C11orf65: variants seen among roughly 807,000 people sequenced by gnomAD.
C11orf65 encodes the protein chromosome 11 open reading frame 65, also known as protein MFI.
In C11orf65, 38 loss-of-function variants were observed where a neutral mutation model predicts 35.3. The observed-to-expected ratio is 1.08, with a 90% CI of 0.83 to 1.41. The LOEUF is 1.41. Ranked by LOEUF, C11orf65 falls within the 40% of genes most tolerant of loss-of-function variation. C11orf65 has a pLI of 0.00. For synonymous variants in C11orf65, 105 were observed against 114.4 expected, an observed-to-expected ratio of 0.92 and a Z score of 0.53; for missense variants, 370 against 367.1, an observed-to-expected ratio of 1.01 and a Z score of -0.06.
intron 3 of C11orf65, chr11:108,332,129 C>T: frequency 6.6e-7 from 1 of 1,506,270 alleles, no homozygotes; most frequent in Non-Finnish European, 9.0e-7. Flanking sequence ...ATTAAGATGC[C>T]ATCTAAAATC....
intron 3 of C11orf65, chr11:108,332,084 C>G: frequency 6.3e-7 from 1 of 1,599,746 alleles, no homozygotes; most frequent in Non-Finnish European, 8.6e-7. Flanking sequence ...GATATTCAGT[C>G]TTTCCTAGAA....
chr11:108,380,242 T>G (rs545610363), downstream of C11orf65, among the ~76,000 whole-genome samples: 20 of 152,280 alleles, frequency 1.3e-4, 1 homozygote, highest in East Asian at 3.7e-3. Flanking sequence ...TAAAGAACAG[T>G]GCTAAGGGAA....
chr11:108,419,291 T>A lies in C11orf65; in HGVS notation c.175-12142A>T, dbSNP rs1248700946. On this transcript the variant is annotated intron_variant, in intron 3 of 8. Coordinates refer to ENST00000393084, the MANE Select transcript of C11orf65 (RefSeq NM_152587.5). Reference sequence around the variant, plus strand: ...AATCATAACCAAAATGTACCTATTCTAGGAACGCTAAGACGATTTAACATT... The same window carrying A: ...AATCATAACCAAAATGTACCTATTCAAGGAACGCTAAGACGATTTAACATT... Among the ~76,000 whole-genome samples the A allele has an allele frequency of 4.6e-5, 7 of 152,156 alleles. No individual in the cohort carries two copies. The East Asian group carries it at 1.2e-3, about 25-fold the overall frequency.
downstream of C11orf65, among the ~76,000 whole-genome samples, chr11:108,330,584 A>G (rs916709740): frequency 3.3e-5 from 5 of 152,216 alleles, no homozygotes; most frequent in Admixed American, 6.5e-5. Context: ...ATCCATATTT[A>G]GGATTATTTA....
At chr11:108,327,284 C>T, downstream of C11orf65, 1 of 282,038 alleles carries the variant, frequency 3.5e-6, no homozygotes, top group South Asian at 3.8e-5. Flanking sequence ...ACCCAACTTC[C>T]TTGTACCTCA....
chr11:108,322,738 T>A (rs1237700053), intron 6 of C11orf65, among the ~76,000 whole-genome samples: 1 of 152,204 alleles, frequency 6.6e-6, no homozygotes, highest in African/African-American at 2.4e-5. Context: ...TTTAAAAAAT[T>A]CAGCTTAAAA....
rs1555127370 is a variant in C11orf65, at chr11:108,335,114, G to C, written c.299+106C>G. 1 of 1,613,960 alleles carries C rather than the reference G, an allele frequency of 6.2e-7. No individual in the cohort carries two copies. Among genetic ancestry groups the C allele is most frequent in the Non-Finnish European group, 8.5e-7 (1 of 1,179,924 alleles). On this transcript the variant is annotated intron_variant, in intron 3 of 3. Transcript: ENST00000524755. ...GAGAGGAGACAGCTTGTTAAGGTGA[G>C]CCTTCCCTTCTCTGGCTTAGCCCTT...
At chr11:108,373,473 C>T (rs920940501) in intron 2 of C11orf65, among the ~76,000 whole-genome samples, 1 of 152,200 alleles carries the variant, frequency 6.6e-6, no homozygotes. Flanking sequence ...CACTGGAGTT[C>T]CTAGCCATGC....
chr11:108,433,274 G>GAT (rs947247687), intron 2 of C11orf65, among the ~76,000 whole-genome samples: 2 of 147,860 alleles, frequency 1.4e-5, no homozygotes, highest in African/African-American at 4.9e-5. Context: ...TATATATATA[G>GAT]ATATATATAG....
chr11:108,334,915 T>C, intron 3 of C11orf65: 7 of 1,560,178 alleles, frequency 4.5e-6, no homozygotes, highest in Non-Finnish European at 5.3e-6. Context: ...TATTTTTCTT[T>C]AAGTGCAAAT....
chr11:108,338,683 AACC>A (rs2087130290), intron 2 of C11orf65, among the ~76,000 whole-genome samples: 2 of 151,992 alleles, frequency 1.3e-5, no homozygotes, highest in Admixed American at 1.3e-4. Flanking sequence ...GTTGGGGGGT[AACC>A]CAGATAATTA....
At chr11:108,447,065 T>A (rs1280017179) in intron 2 of C11orf65, among the ~76,000 whole-genome samples, 1 of 152,084 alleles carries the variant, frequency 6.6e-6, no homozygotes, top group African/African-American at 2.4e-5. Context: ...AAGGGATCAA[T>A]TCAACAAGAA....
At chr11:108,459,067 G>GTC (rs772607003) in intron 2 of C11orf65, among the ~76,000 whole-genome samples, 56 of 152,292 alleles carry the variant, frequency 3.7e-4, no homozygotes, top group South Asian at 1.4e-3. Context: ...CATGAGTGGA[G>GTC]TAAGTAATTA....
chr11:108,313,607 T>G (rs2084358230), intron 6 of C11orf65, among the ~76,000 whole-genome samples: 1 of 152,212 alleles, frequency 6.6e-6, no homozygotes, highest in Non-Finnish European at 1.5e-5. Flanking sequence ...TTTTCTCCTT[T>G]CACTTTTGCC....
Position 108,331,969 on chromosome 11 carries a change from A to C in C11orf65, c.300-402T>G, listed in dbSNP as rs1357229307. On this transcript the variant is annotated intron_variant, in intron 3 of 3. Coordinates refer to the C11orf65 transcript ENST00000524755. ...TGCAAACAGAGATGAATTTCTGACT[A>C]AACCAGAGGTAGCCAGAAGAAGCAG... 1 of 1,614,028 alleles carries C rather than the reference A, an allele frequency of 6.2e-7. No homozygotes were observed. The highest frequency in any genetic ancestry group is 1.3e-5 in the African/African-American group (1 of 74,950).
In C11orf65 at chr11:108,321,433, T is replaced by C. The variant is rs1441875536; in HGVS notation, c.641-12362A>G. ...AGCTTTTCTCAAGGTATGTAATTCG[T>C]ATGACTTTGTTATCCTAAAGTGCAG... On this transcript the variant is annotated intron_variant, in intron 6 of 6. Transcript: ENST00000525729. 4 of 1,613,900 alleles carry C rather than the reference T, an allele frequency of 2.5e-6. No homozygotes were observed. Among genetic ancestry groups the C allele is most frequent in the Non-Finnish European group, 3.4e-6 (4 of 1,179,944 alleles).
chr11:108,383,588 A>T (rs2091913973), intron 8 of C11orf65, among the ~76,000 whole-genome samples: 1 of 152,196 alleles, frequency 6.6e-6, no homozygotes, highest in Admixed American at 6.5e-5. Context: ...ACTATTAGCT[A>T]ACTTCTTCAT....
At chr11:108,403,424 T>TG (rs1409600299) in intron 6 of C11orf65, among the ~76,000 whole-genome samples, 1 of 149,940 alleles carries the variant, frequency 6.7e-6, no homozygotes, top group East Asian at 1.9e-4. Context: ...TTTTTTGTTT[T>TG]TTTTTTTTTT....
intron 2 of C11orf65, among the ~76,000 whole-genome samples, chr11:108,448,956 G>A (rs1321945868): frequency 3.3e-5 from 5 of 152,086 alleles, no homozygotes; most frequent in Non-Finnish European, 7.3e-5. Context: ...CAAAATCAAT[G>A]TACAAAAATC....
Sources: allele counts gnomAD v4.1 joint callset (sites outside exome capture counted in the v4.1 genomes callset), GRCh38; gene constraint gnomAD v4.1.1; transcripts MANE v1.5; gene names NCBI Gene and HGNC (gene_info 2026-07-23, HGNC 2026-07-21).